TYW1B: variants seen among roughly 807,000 people sequenced by gnomAD.
TYW1B encodes tRNA-yW synthesizing protein 1 homolog B, also known as S-adenosyl-L-methionine-dependent tRNA 4-demethylwyosine synthase TYW1B.
Under a neutral mutation model 86.9 loss-of-function variants are expected in TYW1B, and 73 were observed. The observed-to-expected ratio is 0.84, with a 90% CI of 0.70 to 1.02. The LOEUF (loss-of-function observed/expected upper bound fraction) is 1.02, where lower values mean the gene tolerates loss of function less well. Ranked by LOEUF, TYW1B falls within the 50% of genes least tolerant of loss-of-function variation. The pLI is 0.00. For synonymous variants in TYW1B, 248 were observed against 292.8 expected (o/e 0.85, Z 1.56); for missense variants, 637 against 827.4 (o/e 0.77, Z 2.82).
intron 10 of TYW1B, among the ~76,000 whole-genome samples, chr7:72,700,536 TA>T (rs1197340795): frequency 1.3e-5 from 2 of 152,184 alleles, no homozygotes; most frequent in African/African-American, 4.8e-5. Flanking sequence ...ATATCCTGGT[TA>T]TTTAACAGTG....
At chr7:72,620,153 T>C (rs1812178708) in intron 12 of TYW1B, among the ~76,000 whole-genome samples, 1 of 152,186 alleles carries the variant, frequency 6.6e-6, no homozygotes, top group Admixed American at 6.5e-5. Flanking sequence ...TCCCAGCTCT[T>C]TGGGAGGCTG....
chr7:72,651,778 T>C (rs1554442844), intron 11 of TYW1B, among the ~76,000 whole-genome samples: 1 of 152,036 alleles, frequency 6.6e-6, no homozygotes, highest in Non-Finnish European at 1.5e-5. Flanking sequence ...CCAAAACAGA[T>C]ACTTCAAAAA....
chr7:72,788,851 G>A (rs1788172790), intron 6 of TYW1B, among the ~76,000 whole-genome samples: 1 of 150,260 alleles, frequency 6.7e-6, no homozygotes, highest in Admixed American at 6.6e-5. Flanking sequence ...GTATTTTTGA[G>A]ACAAGGTTTT....
In TYW1B at chr7:72,575,512, T is replaced by C. The variant is rs782818822; in HGVS notation, c.1993A>G (p.Ile665Val). Residue 665 changes from isoleucine (I) to valine (V), a missense_variant, in exon 14 of 14, where the codon ATT (isoleucine) becomes GTT (valine). By Grantham distance (29) the Ile-to-Val change is conservative. Transcript: ENST00000620995. ...ATCAGATAATCTCAACATCCAGAAATAGCCTTTGATTTGTTCTTTCTCTGA... is the reference window on the plus strand; with the variant it reads ...ATCAGATAATCTCAACATCCAGAAACAGCCTTTGATTTGTTCTTTCTCTGA... ...RHQRKNKSKA[I>V]SGC 2.4e-5 allele frequency: 38 copies of C among 1,611,762 alleles called. No homozygotes were observed. Among genetic ancestry groups the C allele is most frequent in the Non-Finnish European group, 3.1e-5 (36 of 1,179,478 alleles).
chr7:72,807,013 G>A (rs1788507842), intron 5 of TYW1B, 53 bp downstream of exon 5: 5 of 1,577,200 alleles, frequency 3.2e-6, no homozygotes, highest in Non-Finnish European at 3.5e-6. Flanking sequence ...TCAAGCTCGA[G>A]ATCTCCAAGC....
chr7:72,642,301 G>A (rs1169590196), intron 11 of TYW1B, among the ~76,000 whole-genome samples: 1 of 152,130 alleles, frequency 6.6e-6, no homozygotes, highest in African/African-American at 2.4e-5. Flanking sequence ...AATTAGATAT[G>A]ACACCAAAAA....
At chr7:72,670,805 G>T (rs1336707171) in intron 11 of TYW1B, among the ~76,000 whole-genome samples, 10 of 152,214 alleles carry the variant, frequency 6.6e-5, no homozygotes, top group African/African-American at 2.4e-4. Flanking sequence ...ACCAAATGGT[G>T]CTCAAACAAC....
At chr7:72,811,219 C>T (rs1391246374) in intron 3 of TYW1B, among the ~76,000 whole-genome samples, 23 of 145,308 alleles carry the variant, frequency 1.6e-4, no homozygotes, top group Non-Finnish European at 2.5e-4. Flanking sequence ...TGTAGTGAGC[C>T]GAGATCGCGC....
intron 11 of TYW1B, among the ~76,000 whole-genome samples, chr7:72,672,909 C>T (rs1307665241): frequency 2.0e-5 from 3 of 152,238 alleles, no homozygotes; most frequent in Admixed American, 1.3e-4. Flanking sequence ...TGGCTCATGC[C>T]TGTAATCCCA....
In TYW1B at chr7:72,774,452, G is replaced by A. The variant is rs138537496; in HGVS notation, c.964+2964C>T. 5.2e-3 allele frequency among the ~76,000 whole-genome samples: 793 copies of A among 151,066 alleles called. 9 individuals are homozygous for A. The highest frequency in any genetic ancestry group is 0.018 in the African/African-American group (749 of 41,212). On this transcript the variant is annotated intron_variant, in intron 7 of 13. Coordinates refer to ENST00000620995, the MANE Select transcript of TYW1B (RefSeq NM_001145440.3). ...TATAAAAATATCCAGGCCAGGCACC[G>A]TGGCTCAAGTCTGTAATCCCAGCAC...
chr7:72,669,396 T>G (rs1554445929), intron 11 of TYW1B, among the ~76,000 whole-genome samples: 1 of 151,836 alleles, frequency 6.6e-6, no homozygotes, highest in Non-Finnish European at 1.5e-5. Context: ...TCCACCCACC[T>G]CAGCCTCCCA....
chr7:72,578,839 G>A (rs184604011), intron 13 of TYW1B, among the ~76,000 whole-genome samples: 3 of 152,180 alleles, frequency 2.0e-5, no homozygotes, highest in Non-Finnish European at 4.4e-5. Flanking sequence ...AGTCTTTTTC[G>A]GGATCCCAGT....
intron 10 of TYW1B, among the ~76,000 whole-genome samples, chr7:72,707,777 C>CTTTGGG (rs2129570591): frequency 6.6e-6 from 1 of 152,344 alleles, no homozygotes; most frequent in South Asian, 2.1e-4. Flanking sequence ...TAATTTGGCT[C>CTTTGGG]TGTCCCCACC....
chr7:72,592,160 TAAAA>T (rs56146824), intron 13 of TYW1B, among the ~76,000 whole-genome samples: 17 of 103,378 alleles, frequency 1.6e-4, no homozygotes, highest in East Asian at 1.0e-3. Context: ...ACTAATGTGT[TAAAA>T]AAAAAAAAAA....
At chr7:72,818,000 ACT>A (rs1788756569) in intron 2 of TYW1B, among the ~76,000 whole-genome samples, 1 of 147,956 alleles carries the variant, frequency 6.8e-6, no homozygotes, top group African/African-American at 2.5e-5. Context: ...CTGTCTCCAG[ACT>A]CTACTTTCCT....
At chr7:72,826,806 A>G (rs782424716) in intron 2 of TYW1B, 49 bp downstream of exon 2, 2 of 1,589,504 alleles carry the variant, frequency 1.3e-6, no homozygotes, top group Middle Eastern at 1.7e-4. Flanking sequence ...TAAATCCTCT[A>G]TAAAATCTGA....
intron 11 of TYW1B, among the ~76,000 whole-genome samples, chr7:72,632,242 G>T (rs1812508837): frequency 8.1e-6 from 1 of 123,020 alleles, no homozygotes; most frequent in African/African-American, 3.5e-5. Flanking sequence ...CTGGGTGACA[G>T]AGCAAGACCC....
At chr7:72,800,200 CTT>C (rs202041917) in intron 6 of TYW1B, among the ~76,000 whole-genome samples, 44 of 142,430 alleles carry the variant, frequency 3.1e-4, no homozygotes, top group Non-Finnish European at 3.1e-4. Flanking sequence ...TGTTTCACAT[CTT>C]TTTTTTTTTT....
At chr7:72,681,437 C>T (rs567921579) in intron 11 of TYW1B, among the ~76,000 whole-genome samples, 32 of 152,160 alleles carry the variant, frequency 2.1e-4, no homozygotes, top group African/African-American at 7.2e-4. Flanking sequence ...CACAAGTACC[C>T]TTCACCCAGA....
Sources: gnomAD v4.1 joint callset for allele counts (sites outside exome capture counted in the v4.1 genomes callset) on GRCh38, gnomAD v4.1.1 for gene constraint, MANE v1.5 for transcripts, NCBI Gene and HGNC (gene_info 2026-07-23, HGNC 2026-07-21) for gene names.